CDH17: variants seen among roughly 807,000 people sequenced by gnomAD.
CDH17 encodes cadherin 17, also known as cadherin-17.
CDH17 carries 67 observed loss-of-function variants against 86.3 expected under a neutral mutation model. The observed-to-expected ratio is 0.78, with a 90% confidence interval of 0.64 to 0.95. The LOEUF is 0.95. Among genes scored for constraint, CDH17 ranks in the 40% least tolerant of loss-of-function variants. The pLI is 0.00. For missense variants in CDH17, 993 were observed against 1,017.6 expected (o/e 0.98, Z 0.33); for synonymous variants, 367 against 366.4 (o/e 1.00, Z -0.02).
At position 94,177,729 on chromosome 8, in the gene CDH17, A is replaced by T; in HGVS notation, c.151-8T>A. The T allele has an allele frequency of 6.2e-7, 1 of 1,612,954 alleles. No individual in the cohort carries two copies. The highest frequency in any genetic ancestry group is 2.2e-5 in the East Asian group (1 of 44,762). The stretch of plus-strand genomic sequence containing the variant: ...AGGAGGATTGGCCTTAAACTGGGGA[A>T]AAAGCAAAAAACAGATTAAGTTGTA... On this transcript the variant is annotated splice_region_variant and splice_polypyrimidine_tract_variant and intron_variant, in intron 3 of 17. Transcript: ENST00000027335.
intron 3 of CDH17, among the ~76,000 whole-genome samples, chr8:94,188,685 C>T (rs897411866): frequency 4.6e-5 from 7 of 152,180 alleles, no homozygotes; most frequent in Admixed American, 1.3e-4. Flanking sequence ...TCATGGTTAT[C>T]TAACTAAATA....
chr8:94,168,129 TATATATATATATATATATATATATATA>T (rs1813196899), intron 9 of CDH17, among the ~76,000 whole-genome samples: 2 of 100,466 alleles, frequency 2.0e-5, no homozygotes, highest in African/African-American at 8.3e-5. Context: ...TATATATATA[TATATATATATATATATATATATATATA>T]TTTGTGTGTG....
intron 1 of CDH17, among the ~76,000 whole-genome samples, chr8:94,196,735 A>G (rs1460631350): frequency 6.6e-6 from 1 of 152,184 alleles, no homozygotes; most frequent in East Asian, 1.9e-4. Context: ...AGCTGCAGAC[A>G]TAGATAAGCA....
At chr8:94,177,935 T>C (rs903245507) in intron 3 of CDH17, among the ~76,000 whole-genome samples, 3 of 152,216 alleles carry the variant, frequency 2.0e-5, no homozygotes, top group Non-Finnish European at 4.4e-5. Flanking sequence ...ATACTATTAT[T>C]CAATACATTG....
chr8:94,143,503 C>G (rs557891027), intron 15 of CDH17, among the ~76,000 whole-genome samples: 17 of 152,086 alleles, frequency 1.1e-4, no homozygotes, highest in African/African-American at 4.1e-4. Flanking sequence ...CAAGAGCCAG[C>G]CTGTCCTTTG....
intron 15 of CDH17, among the ~76,000 whole-genome samples, chr8:94,143,895 A>C (rs915885137): frequency 2.0e-5 from 3 of 152,178 alleles, no homozygotes; most frequent in African/African-American, 7.2e-5. Context: ...CCTTAATGGC[A>C]ATAAGGCTAT....
chr8:94,216,723 A>G (rs187611903), intron 1 of CDH17, among the ~76,000 whole-genome samples: 161 of 152,330 alleles, frequency 1.1e-3, no homozygotes, highest in Middle Eastern at 0.01. Flanking sequence ...AAGAAAATCA[A>G]TGGTAGTTAA....
chr8:94,203,129 C>T (rs577423947), intron 1 of CDH17: 44 of 157,060 alleles, frequency 2.8e-4, no homozygotes, highest in African/African-American at 3.1e-4. Flanking sequence ...GGAGTTTCTA[C>T]GTCCCAGATC....
chr8:94,170,403 G>A lies in CDH17; in HGVS notation c.1060C>T (p.Arg354Ter), dbSNP rs778286335. The A allele has an allele frequency of 7.4e-6, 12 of 1,613,564 alleles. No homozygotes were observed. Among genetic ancestry groups the A allele is most frequent in the East Asian group, 2.2e-5 (1 of 44,860 alleles). Residue 354 changes from arginine (R) to a stop codon, truncating the protein, a stop_gained, in exon 9 of 18, where the codon CGA becomes TGA. Coordinates refer to ENST00000027335, the MANE Select transcript of CDH17 (RefSeq NM_004063.4). LOFTEE classifies it high-confidence loss of function. ...GGCAGCTCTCATTTCTTACCCAGTC[G>A]TTCATTCTCCTGGACCTCAAATACG... Reference protein sequence around the residue: ...VTVFEVQENERLGNSIGTLTA... With the variant: ...VTVFEVQENE
intron 15 of CDH17, among the ~76,000 whole-genome samples, chr8:94,134,016 T>G (rs1812471901): frequency 6.6e-6 from 1 of 152,180 alleles, no homozygotes; most frequent in Non-Finnish European, 1.5e-5. Flanking sequence ...AACTTGATTG[T>G]GTTGGATAAG....
intron 1 of CDH17, among the ~76,000 whole-genome samples, chr8:94,201,707 C>T (rs1477360190): frequency 1.3e-5 from 2 of 152,164 alleles, no homozygotes; most frequent in African/African-American, 4.8e-5. Flanking sequence ...CCCCATGGAA[C>T]TTTTGTTTAG....
At chr8:94,130,844 C>T in intron 16 of CDH17, 32 bp downstream of exon 16, 1 of 1,518,506 alleles carries the variant, frequency 6.6e-7, no homozygotes, top group East Asian at 2.2e-5. Context: ...GTGACAGATA[C>T]TAGCCTGAGT....
At chr8:94,154,649 G>A (rs1041363448) in intron 12 of CDH17, among the ~76,000 whole-genome samples, 8 of 152,152 alleles carry the variant, frequency 5.3e-5, no homozygotes, top group Non-Finnish European at 1.2e-4. Context: ...TGGGCTTACT[G>A]CTGTCTTCTC....
chr8:94,204,981 T>G (rs1000665591), intron 1 of CDH17, among the ~76,000 whole-genome samples: 4 of 152,048 alleles, frequency 2.6e-5, no homozygotes, highest in African/African-American at 4.8e-5. Context: ...TTTTTTGAAT[T>G]TTTGCAATCA....
At chr8:94,193,914 A>T (rs912490232) in intron 2 of CDH17, among the ~76,000 whole-genome samples, 2 of 151,146 alleles carry the variant, frequency 1.3e-5, no homozygotes, top group African/African-American at 4.9e-5. Context: ...GATTTGAGGT[A>T]TGAGGATCTA....
intron 3 of CDH17, among the ~76,000 whole-genome samples, chr8:94,181,188 T>A (rs1320488809): frequency 6.6e-6 from 1 of 151,634 alleles, no homozygotes; most frequent in Non-Finnish European, 1.5e-5. Context: ...TCAAAACACA[T>A]GAAAGAAAAG....
chr8:94,172,666 C>T (rs1378721497), intron 7 of CDH17, among the ~76,000 whole-genome samples: 1 of 152,182 alleles, frequency 6.6e-6, no homozygotes, highest in Non-Finnish European at 1.5e-5. Flanking sequence ...TGTTCATCTG[C>T]TTCCAAATCC....
At chr8:94,195,354 G>A (rs139018009) in intron 1 of CDH17, among the ~76,000 whole-genome samples, 28 of 152,182 alleles carry the variant, frequency 1.8e-4, no homozygotes, top group Middle Eastern at 6.8e-3. Flanking sequence ...GCAGATTCCA[G>A]GATAACTAAA....
Position 94,215,863 on chromosome 8 carries a change from G to GTTT in CDH17, c.-21+1332_-21+1334dup, listed in dbSNP as rs11398758. ...ATTTATTTTCCTTTAAGTATACGAG[G>GTTT]TTTTTTTTTTTTTTTTAACTAATTT... On this transcript the variant is annotated intron_variant, in intron 1 of 17. Coordinates refer to the CDH17 transcript ENST00000450165. Among the ~76,000 whole-genome samples, 81 of 140,128 alleles carry GTTT rather than the reference G, an allele frequency of 5.8e-4. 4 individuals are homozygous for GTTT. The South Asian group carries it at 0.017, about 29-fold the overall frequency. The allele number at this position is 140,128 out of a possible 152,430, so 91.9% of individuals were successfully genotyped here.
Sources: allele counts gnomAD v4.1 joint callset (sites outside exome capture counted in the v4.1 genomes callset), GRCh38; gene constraint gnomAD v4.1.1; transcripts MANE v1.5; gene names NCBI Gene and HGNC (gene_info 2026-07-23, HGNC 2026-07-21).